The following PRKAG2 variants were observed in gnomAD, a reference collection of about 807,000 sequenced individuals.
The protein encoded by PRKAG2 is 5'-AMP-activated protein kinase subunit gamma-2.
In PRKAG2, 26 loss-of-function variants were observed where a neutral mutation model predicts 69.6. The observed-to-expected ratio is 0.37, with a 90% CI of 0.27 to 0.52. The LOEUF (loss-of-function observed/expected upper bound fraction) is 0.52, where lower values mean the gene tolerates loss of function less well. Ranked by LOEUF, PRKAG2 falls within the 20% of genes least tolerant of loss-of-function variation. PRKAG2 has a pLI of 0.90. For synonymous variants in PRKAG2, 293 were observed against 285.0 expected (o/e 1.03, Z -0.28); for missense variants, 557 against 740.0 (o/e 0.75, Z 2.87).
Position 151,564,108 on chromosome 7 carries a change from C to T in PRKAG2, c.1554G>A (p.Glu518=). 1 of 1,614,160 alleles carries T rather than the reference C, an allele frequency of 6.2e-7. No homozygotes were observed. Among genetic ancestry groups the T allele is most frequent in the Non-Finnish European group, 8.5e-7 (1 of 1,180,034 alleles). ...CTCTTACTATTCTGTCCACGATGGT[C>T]TCCAGTATTTCCAGCTTATTGCACT... ...VVKCNKLEIL[E]TIVDRIVRAE... Residue 518 remains glutamate, a synonymous_variant, in exon 14 of 16, where the codon GAG becomes GAA. Coordinates refer to ENST00000287878, the MANE Select transcript of PRKAG2 (RefSeq NM_016203.4).
chr7:151,856,939 A>T (rs2079794180), intron 1 of PRKAG2, among the ~76,000 whole-genome samples: 1 of 152,166 alleles, frequency 6.6e-6, no homozygotes, highest in South Asian at 2.1e-4. Flanking sequence ...GAGGAAAGAA[A>T]CAGAAAACGG....
chr7:151,711,674 C>T (rs1795345487), intron 3 of PRKAG2, among the ~76,000 whole-genome samples: 1 of 152,218 alleles, frequency 6.6e-6, no homozygotes, highest in Non-Finnish European at 1.5e-5. Flanking sequence ...AACTGAGGCA[C>T]AGGAAAGTTA....
chr7:151,587,026 T>A (rs1381986269), intron 6 of PRKAG2, among the ~76,000 whole-genome samples: 2 of 152,094 alleles, frequency 1.3e-5, no homozygotes, highest in African/African-American at 4.8e-5. Flanking sequence ...CTAGGCGTGT[T>A]GTTGCCCGCC....
rs892458381 is a variant in PRKAG2, at chr7:151,850,496, G to A, written c.114+26011C>T. 1.3e-5 allele frequency among the ~76,000 whole-genome samples: 2 copies of A among 152,224 alleles called. No individual in the cohort carries two copies. Among genetic ancestry groups the A allele is most frequent in the Admixed American group, 6.5e-5 (1 of 15,286 alleles). On this transcript the variant is annotated intron_variant, in intron 1 of 15. Coordinates refer to ENST00000287878, the MANE Select transcript of PRKAG2 (RefSeq NM_016203.4). This position sits in a 1 kb window ranked among gnomAD's most constrained non-coding sequence, Gnocchi z 4.1. ...TGGGCAGCCCTGCCATTGTGGAGGTGGGCAAACCGAGGTTCAGAGATGGCA... is the reference window on the plus strand; with the variant it reads ...TGGGCAGCCCTGCCATTGTGGAGGTAGGCAAACCGAGGTTCAGAGATGGCA...
intron 4 of PRKAG2, among the ~76,000 whole-genome samples, chr7:151,650,062 A>G (rs1240523866): frequency 2.0e-5 from 3 of 152,126 alleles, no homozygotes; most frequent in Admixed American, 6.5e-5. Context: ...AGCAAAAATT[A>G]AAAAGAAAAT....
At chr7:151,661,214 C>T (rs2151429235) in intron 4 of PRKAG2, among the ~76,000 whole-genome samples, 1 of 152,338 alleles carries the variant, frequency 6.6e-6, no homozygotes, top group African/African-American at 2.4e-5. Flanking sequence ...GAGACGGAGT[C>T]TTGCTCTGTC....
At chr7:151,723,362 C>T (rs749673934) in intron 3 of PRKAG2, among the ~76,000 whole-genome samples, 1 of 152,176 alleles carries the variant, frequency 6.6e-6, no homozygotes, top group Non-Finnish European at 1.5e-5. Context: ...GATTGAAGGA[C>T]CATGACGCAT....
chr7:151,851,760 A>G (rs140242554), intron 1 of PRKAG2, among the ~76,000 whole-genome samples: 1 of 152,126 alleles, frequency 6.6e-6, no homozygotes, highest in African/African-American at 2.4e-5. Flanking sequence ...CTCCCTCCTC[A>G]TGGGTCCCCC....
chr7:151,601,451 C>G (rs1012713411), intron 5 of PRKAG2, among the ~76,000 whole-genome samples: 1 of 152,060 alleles, frequency 6.6e-6, no homozygotes, highest in Non-Finnish European at 1.5e-5. Context: ...TGCATATTGT[C>G]TAGTGTGCAT....
chr7:151,625,759 A>G (rs1381334048), intron 5 of PRKAG2, among the ~76,000 whole-genome samples: 1 of 152,174 alleles, frequency 6.6e-6, no homozygotes, highest in Admixed American at 6.5e-5. Context: ...TTAAAAAGAA[A>G]GAAAACAAAC....
chr7:151,559,287 C>T, intron 15 of PRKAG2: 2 of 981,122 alleles, frequency 2.0e-6, no homozygotes, highest in African/African-American at 1.7e-5. Flanking sequence ...TTTATCCATT[C>T]TTCTTTTCAA....
chr7:151,653,996 A>G (rs139201281), intron 4 of PRKAG2, among the ~76,000 whole-genome samples: 1,915 of 152,318 alleles, frequency 0.013, 23 homozygotes, highest in Non-Finnish European at 0.018. Flanking sequence ...TATGCAATAT[A>G]ATTTTACTTG....
chr7:151,855,964 A>G (rs1416292043), intron 1 of PRKAG2, among the ~76,000 whole-genome samples: 2 of 152,252 alleles, frequency 1.3e-5, no homozygotes, highest in African/African-American at 4.8e-5. Flanking sequence ...CCACAGGAAG[A>G]TAAAGTAAGG....
intron 2 of PRKAG2, among the ~76,000 whole-genome samples, chr7:151,783,501 A>ATT (rs11341123): frequency 3.4e-5 from 5 of 149,070 alleles, no homozygotes; most frequent in African/African-American, 7.4e-5. Flanking sequence ...TGCCCAGCTG[A>ATT]TTTTTTTTTT....
In PRKAG2 at chr7:151,777,410, G is replaced by A. The variant is rs145056832; in HGVS notation, c.466+3742C>T. Among the ~76,000 whole-genome samples the A allele has an allele frequency of 2.5e-3, 379 of 152,302 alleles. 1 individual carries two copies. Among genetic ancestry groups the A allele is most frequent in the South Asian group, 0.015 (71 of 4,830 alleles). On this transcript the variant is annotated intron_variant, in intron 3 of 15. Transcript: ENST00000287878. This position sits in a 1 kb window ranked among gnomAD's most constrained non-coding sequence, Gnocchi z 4.3. ...TCCCCGGTGTTGGAGGTGGGGCCCC[G>A]TGGGAGGTGTTTGGGTCCTGGGGGC...
At chr7:151,645,083 C>T (rs139765985) in intron 4 of PRKAG2, among the ~76,000 whole-genome samples, 90 of 152,260 alleles carry the variant, frequency 5.9e-4, no homozygotes, top group Admixed American at 1.1e-3. Flanking sequence ...AATGCATGAT[C>T]CCCACCTCCT....
chr7:151,575,985 A>ATTT (rs34905653), intron 7 of PRKAG2, among the ~76,000 whole-genome samples: 5 of 142,376 alleles, frequency 3.5e-5, no homozygotes, highest in Non-Finnish European at 6.1e-5. Flanking sequence ...AAAGCAAGGA[A>ATTT]TTTTTTTTTT....
At chr7:151,596,983 G>A (rs1814699915) in intron 5 of PRKAG2, among the ~76,000 whole-genome samples, 1 of 151,976 alleles carries the variant, frequency 6.6e-6, no homozygotes, top group Non-Finnish European at 1.5e-5. Flanking sequence ...AGAATTTTGA[G>A]CAAAAAGAAC....
At position 151,777,682 on chromosome 7, in the gene PRKAG2, T is replaced by C. The variant is rs911677080; in HGVS notation, c.466+3470A>G. ...GGCCCACTCCATCCTGCATCCAGCC[T>C]CACAGGCTGGCTGGCTTTGCTCATT... On this transcript the variant is annotated intron_variant, in intron 3 of 15. Transcript: ENST00000287878. This position sits in a 1 kb window ranked among gnomAD's most constrained non-coding sequence, Gnocchi z 4.3. Among the ~76,000 whole-genome samples the C allele has an allele frequency of 6.6e-6, 1 of 152,216 alleles. No homozygotes were observed. Among genetic ancestry groups the C allele is most frequent in the Non-Finnish European group, 1.5e-5 (1 of 68,032 alleles).
Sources: gnomAD v4.1 joint callset for allele counts (sites outside exome capture counted in the v4.1 genomes callset) on GRCh38, gnomAD v4.1.1 for gene constraint, Gnocchi (gnomAD v3.1) non-coding constraint, MANE v1.5 for transcripts, NCBI Gene and HGNC (gene_info 2026-07-23, HGNC 2026-07-21) for gene names.